TSR1: variants seen among roughly 807,000 people sequenced by gnomAD.
TSR1 encodes the protein pre-rRNA-processing protein TSR1 homolog.
A neutral mutation model predicts 90.9 loss-of-function variants in TSR1; 81 were observed. The ratio of observed to expected loss-of-function variants is 0.89; its 90% CI spans 0.74 to 1.07. TSR1 has a LOEUF of 1.07. TSR1 is among the 50% of genes least tolerant of loss of function. The pLI is 0.00. For missense variants in TSR1, 989 were observed against 987.3 expected (o/e 1.00, Z -0.02); for synonymous variants, 362 against 348.8 (o/e 1.04, Z -0.42).
Position 2,335,362 on chromosome 17 carries a change from C to G in TSR1, c.454G>C (p.Val152Leu). Reference sequence around the variant, plus strand: ...AGGAGGAACAGGATGGTATCAGCTACTTTAGCCATGTCTAACACAACGTGC... The same window carrying G: ...AGGAGGAACAGGATGGTATCAGCTAGTTTAGCCATGTCTAACACAACGTGC... ...DLHVVLDMAK[V>L]ADTILFLLDP... Residue 152 changes from valine to leucine, a missense_variant, in exon 4 of 15, where the codon GTA (valine) becomes CTA (leucine). Physicochemically the swap from Val to Leu is conservative, Grantham distance 32. Coordinates refer to ENST00000301364, the MANE Select transcript of TSR1 (RefSeq NM_018128.5). The G allele has an allele frequency of 6.2e-7, 1 of 1,612,958 alleles. No homozygotes were observed. Among genetic ancestry groups the G allele is most frequent in the South Asian group, 1.1e-5 (1 of 91,014 alleles).
Position 2,324,274 on chromosome 17 carries a change from A to AT in TSR1, c.2336dup (p.Tyr779Ter), listed in dbSNP as rs781077045. 8 of 1,554,252 alleles carry AT rather than the reference A, an allele frequency of 5.1e-6. No homozygotes were observed. The African/African-American group carries it at 6.9e-5, about 13-fold the overall frequency. ...GTACTGGTTCTGGTACATATGGATC[A>AT]TAAGTCCATTTGGGGAAGACTCGTT... The part of the protein sequence containing the change: ...LYKRVFPKWT[Y>*]DPYVPEPVPW... The change falls in exon 15 of 15, where the codon TAT becomes TAAT. Residue 779 changes from tyrosine (Y) to a stop codon, truncating the protein, a stop_gained and frameshift_variant. Transcript: ENST00000301364. LOFTEE classifies it high-confidence loss of function.
intron 11 of TSR1, chr17:2,328,935 A>AC: frequency 4.2e-6 from 1 of 239,094 alleles, no homozygotes; most frequent in South Asian, 4.7e-5. Context: ...AAAAAAAAAA[A>AC]AAAAAAAAAA....
chr17:2,328,637 G>T (rs752468510), intron 11 of TSR1, among the ~76,000 whole-genome samples: 4 of 149,092 alleles, frequency 2.7e-5, no homozygotes, highest in Non-Finnish European at 4.5e-5. Context: ...AAAAACAAGA[G>T]GGGGCGCGGT....
At position 2,336,404 on chromosome 17, in the gene TSR1, C is replaced by T. The variant is rs1220778245; in HGVS notation, c.24G>A (p.Pro8=). The change falls in exon 1 of 15, where the codon CCG becomes CCA. Residue 8 remains proline, a synonymous_variant. Transcript: ENST00000301364. ...TATGAGCTTTATTCTGCTGCTTGAG[C>T]GGGCCGGGGCGGTGGGCCGCCATGC... MAAHRPG[P]LKQQNKAHKG... is the part of the protein sequence containing the mutation. The T allele has an allele frequency of 1.9e-6, 3 of 1,611,748 alleles. No individual in the cohort carries two copies. The highest frequency in any genetic ancestry group is 1.3e-5 in the African/African-American group (1 of 74,896).
rs1453268896 is a variant in TSR1 at position 2,334,464 on chromosome 17, A to G, written c.981+8T>C. 3.1e-6 allele frequency: 5 copies of G among 1,603,952 alleles called. No individual in the cohort carries two copies. Among genetic ancestry groups the G allele is most frequent in the Non-Finnish European group, 4.3e-6 (5 of 1,173,978 alleles). On this transcript the variant is annotated splice_region_variant and intron_variant, in intron 5 of 14. Coordinates refer to ENST00000301364, the MANE Select transcript of TSR1 (RefSeq NM_018128.5). ...CATATGAACATGAATTAAGAATATC[A>G]GTCTTACCTCCATTGCCATGTCTGG...
At position 2,336,051 on chromosome 17, in the gene TSR1, G is replaced by A. The variant is rs1250534367; in HGVS notation, c.187C>T (p.Gln63Ter). ...QRHRASQLRK[Q>*]KKEAVLAEKR... ...GCTCCTCTCACCGCCTCCTTCTTCTGCTTTCGGAGCTGGCTGGCGCGATGC... is the reference window on the plus strand; with the variant it reads ...GCTCCTCTCACCGCCTCCTTCTTCTACTTTCGGAGCTGGCTGGCGCGATGC... Residue 63 changes from glutamine to a stop codon, truncating the protein, a stop_gained, in exon 2 of 15, where the codon CAG (glutamine) becomes TAG (stop). Coordinates refer to ENST00000301364, the MANE Select transcript of TSR1 (RefSeq NM_018128.5). LOFTEE classifies it high-confidence loss of function. 1 of 1,614,186 alleles carries A rather than the reference G, an allele frequency of 6.2e-7. No homozygotes were observed.
chr17:2,323,046 T>C lies in TSR1; in HGVS notation c.*1150A>G. 7.3e-7 allele frequency: 1 copy of C among 1,366,490 alleles called. No homozygotes were observed. Among genetic ancestry groups the C allele is most frequent in the Non-Finnish European group, 1.0e-6 (1 of 969,208 alleles). 84.6% of individuals were successfully genotyped at this position (1,366,490 alleles called of 1,614,324 possible). On this transcript the variant is annotated 3_prime_UTR_variant, in exon 15 of 15. Transcript: ENST00000301364. ...TCCCAAAGTGTTGGGATTACAGGTGTGAGCCACCACACCAGGCCCATATTT... is the reference window on the plus strand; with the variant it reads ...TCCCAAAGTGTTGGGATTACAGGTGCGAGCCACCACACCAGGCCCATATTT...
intron 10 of TSR1, 73 bp from the exon 11 acceptor site, chr17:2,329,548 A>G: frequency 6.4e-7 from 1 of 1,554,924 alleles, no homozygotes. Context: ...AAGAAGGCAA[A>G]CCAAACTAGC....
chr17:2,325,316 G>T lies in TSR1; in HGVS notation c.2008C>A (p.Gln670Lys). 3.7e-6 allele frequency: 6 copies of T among 1,607,726 alleles called. No homozygotes were observed. Among genetic ancestry groups the T allele is most frequent in the Non-Finnish European group, 4.2e-6 (5 of 1,178,202 alleles). Residue 670 changes from glutamine (Q) to lysine (K), a missense_variant, in exon 12 of 15, where the codon CAA (glutamine) becomes AAA (lysine). Coordinates refer to ENST00000301364, the MANE Select transcript of TSR1 (RefSeq NM_018128.5). ...FPPASVLLFK[Q>K]KSNGMHSLIA... Reference sequence around the variant, plus strand: ...TGGCTCAACTTACCATTGCTTTTTTGCTTGAAAAGCAGCACAGATGCAGGA... The same window carrying T: ...TGGCTCAACTTACCATTGCTTTTTTTCTTGAAAAGCAGCACAGATGCAGGA...
chr17:2,325,240 A>G, intron 12 of TSR1, 64 bp downstream of exon 12: 1 of 1,213,104 alleles, frequency 8.2e-7, no homozygotes, highest in Non-Finnish European at 1.2e-6. Context: ...TAAATAAACA[A>G]GAGAAAACGG....
In TSR1 at chr17:2,323,827, T is replaced by A. The variant is rs1210575273; in HGVS notation, c.*369A>T. On this transcript the variant is annotated 3_prime_UTR_variant, in exon 15 of 15. Coordinates refer to ENST00000301364, the MANE Select transcript of TSR1 (RefSeq NM_018128.5). ...GACTTAACCTCCTCCATAACTTGGG[T>A]GAAGCAGGCTGAAAGGCCAGCTTCT... 13 of 1,614,100 alleles carry A rather than the reference T, an allele frequency of 8.1e-6. No individual in the cohort carries two copies. Among genetic ancestry groups the A allele is most frequent in the African/African-American group, 2.7e-5 (2 of 74,940 alleles).
chr17:2,323,346 GT>G lies in TSR1; in HGVS notation c.*849del. ...CACTGTCACAGAGGATGAAATTAAG[GT>G]GAGGCTCCAGCAAGAAAAGAAATAG... is the stretch of plus-strand genomic sequence containing the variant. On this transcript the variant is annotated 3_prime_UTR_variant, in exon 15 of 15. Transcript: ENST00000301364. 6.2e-7 allele frequency: 1 copy of G among 1,613,916 alleles called. No individual in the cohort carries two copies. The highest frequency in any genetic ancestry group is 1.1e-5 in the South Asian group (1 of 91,046).
In TSR1 at chr17:2,324,171, G is replaced by T. The variant is rs1287478248; in HGVS notation, c.*25C>A. The T allele has an allele frequency of 1.3e-6, 2 of 1,512,972 alleles. No individual in the cohort carries two copies. Among genetic ancestry groups the T allele is most frequent in the Non-Finnish European group, 1.8e-6 (2 of 1,135,518 alleles). 93.7% of individuals were successfully genotyped at this position (1,512,972 alleles called of 1,614,324 possible). ...ATCCCTGGAGTACTGACTGGCACCG[G>T]TAAGACAGAATCTCTTTGAATCCAT... On this transcript the variant is annotated 3_prime_UTR_variant, in exon 15 of 15. Coordinates refer to ENST00000301364, the MANE Select transcript of TSR1 (RefSeq NM_018128.5).
In TSR1 at chr17:2,324,688, C is replaced by G; in HGVS notation, c.2161+1G>C. On this transcript the variant is annotated splice_donor_variant, in intron 13 of 14. Transcript: ENST00000301364. LOFTEE classifies it high-confidence loss of function. ...ATCCCATCCTCCTCCTTCATACCCA[C>G]CTCTGTTGAAGAACATGTAACGTAC... 6.2e-7 allele frequency: 1 copy of G among 1,614,092 alleles called. No individual in the cohort carries two copies. The highest frequency in any genetic ancestry group is 8.5e-7 in the Non-Finnish European group (1 of 1,180,008).
chr17:2,334,851 ATT>A lies in TSR1; in HGVS notation c.600_601del (p.Gln200HisfsTer9). 6.2e-7 allele frequency: 1 copy of A among 1,613,836 alleles called. No homozygotes were observed. Among genetic ancestry groups the A allele is most frequent in the Non-Finnish European group, 8.5e-7 (1 of 1,179,912 alleles). On this transcript the variant is annotated frameshift_variant, in exon 5 of 15. Transcript: ENST00000301364. LOFTEE classifies it high-confidence loss of function. ...TTTACTTAGCTTCTTCCTGGTATCTATTTGTTTCTTCAGTGGGAGGCCAGAAA... is the reference window on the plus strand; with the variant it reads ...TTTACTTAGCTTCTTCCTGGTATCTATGTTTCTTCAGTGGGAGGCCAGAAA...
intron 11 of TSR1, 180 bp downstream of exon 11, chr17:2,329,163 T>C (rs1240731818): frequency 1.0e-6 from 1 of 983,334 alleles, no homozygotes; most frequent in African/African-American, 1.6e-5. Flanking sequence ...ATCACTGGGA[T>C]GCTTCAGACA....
chr17:2,323,554 G>A lies in TSR1; in HGVS notation c.*642C>T, dbSNP rs940408099. Reference sequence around the variant, plus strand: ...GCTTTGGGAAGCGTGTGTACACAGTGATAAGAAAATTCAAACTGGACACGT... The same window carrying A: ...GCTTTGGGAAGCGTGTGTACACAGTAATAAGAAAATTCAAACTGGACACGT... On this transcript the variant is annotated 3_prime_UTR_variant, in exon 15 of 15. Transcript: ENST00000301364. The A allele has an allele frequency of 7.6e-7, 1 of 1,317,956 alleles. No individual in the cohort carries two copies. The highest frequency in any genetic ancestry group is 1.1e-6 in the Non-Finnish European group (1 of 930,470). 81.6% of individuals were successfully genotyped at this position (1,317,956 alleles called of 1,614,324 possible). A position where few individuals can be genotyped will look rare whatever the true frequency, so the allele number is the denominator to read the frequency against.
intron 10 of TSR1, 140 bp from the exon 11 acceptor site, chr17:2,329,615 T>C (rs916723174): frequency 3.3e-5 from 35 of 1,050,820 alleles, no homozygotes; most frequent in Non-Finnish European, 4.6e-5. Flanking sequence ...GTGTAGATGC[T>C]GAAACACGGG....
Position 2,323,820 on chromosome 17 carries a change from A to G in TSR1, c.*376T>C. 4 of 1,614,080 alleles carry G rather than the reference A, an allele frequency of 2.5e-6. No homozygotes were observed. The South Asian group carries it at 3.3e-5, about 13-fold the overall frequency. ...AAATGTAGACTTAACCTCCTCCATA[A>G]CTTGGGTGAAGCAGGCTGAAAGGCC... is the stretch of plus-strand genomic sequence containing the variant. On this transcript the variant is annotated 3_prime_UTR_variant, in exon 15 of 15. Transcript: ENST00000301364.
Sources: allele counts gnomAD v4.1 joint callset (sites outside exome capture counted in the v4.1 genomes callset), GRCh38; gene constraint gnomAD v4.1.1; transcripts MANE v1.5; gene names NCBI Gene and HGNC (gene_info 2026-07-23, HGNC 2026-07-21).